Variants in BNC2 observed in about 807,000 individuals in gnomAD.
The protein encoded by BNC2 is basonuclin zinc finger protein 2.
Under a neutral mutation model 76.3 loss-of-function variants are expected in BNC2, and 20 were observed. That is an observed-to-expected ratio of 0.26 (90% CI 0.18 to 0.38). The LOEUF (loss-of-function observed/expected upper bound fraction) is 0.38, where lower values mean the gene tolerates loss of function less well. BNC2 is among the 10% of genes least tolerant of loss of function. The pLI is 1.00. For missense variants in BNC2, 1,382 were observed against 1,399.8 expected (o/e 0.99, Z 0.20); for synonymous variants, 582 against 514.8 (o/e 1.13, Z -1.77).
chr9:16,723,501 TG>T (rs5896702), intron 3 of BNC2, among the ~76,000 whole-genome samples: 129,447 of 149,688 alleles, frequency 0.86, 55,957 homozygotes, highest in Non-Finnish European at 0.9. Flanking sequence ...TCAAAAAAAT[TG>T]GGGGGGGGGA....
At chr9:16,854,977 G>T (rs1189747062) in intron 1 of BNC2, among the ~76,000 whole-genome samples, 1 of 151,888 alleles carries the variant, frequency 6.6e-6, no homozygotes, top group Non-Finnish European at 1.5e-5. Flanking sequence ...ATTCTCTGCT[G>T]AAATTCCAAC....
chr9:16,599,430 A>C (rs1820183254), intron 3 of BNC2, among the ~76,000 whole-genome samples: 4 of 152,172 alleles, frequency 2.6e-5, no homozygotes, highest in African/African-American at 9.7e-5. Flanking sequence ...AAACACACAC[A>C]CCCTTCTAAC....
intron 1 of BNC2, among the ~76,000 whole-genome samples, chr9:16,794,673 G>C (rs778556216): frequency 3.3e-5 from 5 of 152,172 alleles, no homozygotes; most frequent in East Asian, 3.9e-4. Context: ...AGGTGAGTAA[G>C]AGCCAGTAAA....
intron 2 of BNC2, among the ~76,000 whole-genome samples, chr9:16,729,147 A>G (rs1345119364): frequency 6.6e-6 from 1 of 152,206 alleles, no homozygotes; most frequent in African/African-American, 2.4e-5. Flanking sequence ...TCACCTATTT[A>G]TTAGATAGTA....
chr9:16,801,555 G>A (rs571138637), intron 1 of BNC2, among the ~76,000 whole-genome samples: 1 of 152,034 alleles, frequency 6.6e-6, no homozygotes, highest in South Asian at 2.1e-4. Context: ...ACCTTTAAAT[G>A]CTGTACTTTA....
At chr9:16,825,044 C>CTTTTT (rs56055394) in intron 1 of BNC2, among the ~76,000 whole-genome samples, 5 of 148,864 alleles carry the variant, frequency 3.4e-5, no homozygotes, top group Non-Finnish European at 4.5e-5. Flanking sequence ...TCTTACCCCT[C>CTTTTT]TTTTTTTTTT....
chr9:16,707,972 C>T (rs1283823289), intron 3 of BNC2, among the ~76,000 whole-genome samples: 2 of 152,104 alleles, frequency 1.3e-5, no homozygotes, highest in East Asian at 1.9e-4. Context: ...GTATTCACTA[C>T]TATGGTATAG....
At chr9:16,443,202 C>G (rs1272016120) in intron 5 of BNC2, among the ~76,000 whole-genome samples, 1 of 151,940 alleles carries the variant, frequency 6.6e-6, no homozygotes, top group Non-Finnish European at 1.5e-5. Flanking sequence ...AAAAGTATTT[C>G]CCCCTTGATA....
chr9:16,639,239 T>A (rs968496612), intron 3 of BNC2, among the ~76,000 whole-genome samples: 6 of 152,144 alleles, frequency 3.9e-5, no homozygotes, highest in African/African-American at 1.2e-4. Context: ...ATAACAGAAA[T>A]AATGAAAATT....
intron 1 of BNC2, among the ~76,000 whole-genome samples, chr9:16,827,108 C>T (rs1316243413): frequency 6.6e-6 from 1 of 152,202 alleles, no homozygotes; most frequent in Non-Finnish European, 1.5e-5. Context: ...GCTTACATTG[C>T]ATTAGGTTTA....
rs553700032 is a variant in BNC2 at position 16,568,799 on chromosome 9, T to A, written c.433+14184A>T. Among the ~76,000 whole-genome samples, 4 of 152,234 alleles carry A rather than the reference T, an allele frequency of 2.6e-5. No homozygotes were observed. The South Asian group carries it at 8.3e-4, about 32-fold the overall frequency. ...AGGAGATCGTGAAGGCAGGCAACAA[T>A]TGTGATTAAGAGAAAAATTTCTTAT... On this transcript the variant is annotated intron_variant, in intron 4 of 6. Coordinates refer to ENST00000380672, the MANE Select transcript of BNC2 (RefSeq NM_017637.6).
intron 5 of BNC2, among the ~76,000 whole-genome samples, chr9:16,503,205 C>T (rs1332048417): frequency 6.6e-6 from 1 of 152,312 alleles, no homozygotes; most frequent in East Asian, 1.9e-4. Flanking sequence ...CCCCCTCCCA[C>T]AATTTTGTCC....
intron 3 of BNC2, among the ~76,000 whole-genome samples, chr9:16,711,076 C>G (rs34852279): frequency 4.6e-5 from 7 of 152,032 alleles, no homozygotes; most frequent in African/African-American, 1.4e-4. Flanking sequence ...CTACGTGACA[C>G]GATTTGAGCA....
At chr9:16,677,315 G>A (rs925870646) in intron 3 of BNC2, among the ~76,000 whole-genome samples, 6 of 152,140 alleles carry the variant, frequency 3.9e-5, no homozygotes, top group African/African-American at 1.4e-4. Flanking sequence ...CCTCACACCT[G>A]TAATCCCAGC....
At chr9:16,485,734 A>G (rs1021056510) in intron 5 of BNC2, among the ~76,000 whole-genome samples, 1 of 152,148 alleles carries the variant, frequency 6.6e-6, no homozygotes, top group African/African-American at 2.4e-5. Context: ...GCTTGAGCCC[A>G]CGAGGGCGAG....
chr9:16,702,538 T>TAAA (rs35763446), intron 3 of BNC2, among the ~76,000 whole-genome samples: 13 of 138,406 alleles, frequency 9.4e-5, no homozygotes, highest in African/African-American at 3.2e-4. Flanking sequence ...TTTCTTTACT[T>TAAA]AAAAAAAAAA....
At chr9:16,516,076 C>A (rs1407342134) in intron 5 of BNC2, among the ~76,000 whole-genome samples, 2 of 152,208 alleles carry the variant, frequency 1.3e-5, no homozygotes, top group Non-Finnish European at 2.9e-5. Context: ...AAAGACAACA[C>A]TGCTTGAGCT....
chr9:16,518,421 T>C (rs909311816), intron 5 of BNC2, among the ~76,000 whole-genome samples: 2 of 152,184 alleles, frequency 1.3e-5, no homozygotes, highest in South Asian at 2.1e-4. Flanking sequence ...GGCGAAACCA[T>C]ATCTTTAAAA....
At chr9:16,800,721 G>C (rs1817760679) in intron 1 of BNC2, among the ~76,000 whole-genome samples, 1 of 152,148 alleles carries the variant, frequency 6.6e-6, no homozygotes, top group South Asian at 2.1e-4. Flanking sequence ...ACAGCCTAGT[G>C]ATTTTAAATG....
Sources: allele counts gnomAD v4.1 joint callset (sites outside exome capture counted in the v4.1 genomes callset), GRCh38; gene constraint gnomAD v4.1.1; transcripts MANE v1.5; gene names NCBI Gene and HGNC (gene_info 2026-07-23, HGNC 2026-07-21).